Variants in PID1 observed in about 807,000 individuals in gnomAD.
PID1 encodes PTB-containing, cubilin and LRP1-interacting protein.
PID1 carries 10 observed loss-of-function variants against 19.1 expected under a neutral mutation model. The ratio of observed to expected loss-of-function variants is 0.52; its 90% CI spans 0.32 to 0.89. PID1 has a LOEUF of 0.89. Among genes scored for constraint, PID1 ranks in the 40% least tolerant of loss-of-function variants. The pLI is 0.03. For missense variants in PID1, 248 were observed against 285.3 expected, an observed-to-expected ratio of 0.87 and a Z score of 0.94; for synonymous variants, 130 against 116.0, an observed-to-expected ratio of 1.12 and a Z score of -0.78.
intron 2 of PID1, 150 bp downstream of exon 2, chr2:229,155,666 TTC>T (rs1574674721): frequency 1.5e-6 from 1 of 659,598 alleles, no homozygotes; most frequent in East Asian, 2.9e-5. Flanking sequence ...AGGATATGAA[TTC>T]AGTCTACCAT....
At chr2:229,048,218 G>A (rs536454007) in intron 2 of PID1, among the ~76,000 whole-genome samples, 2 of 152,244 alleles carry the variant, frequency 1.3e-5, no homozygotes, top group Admixed American at 6.5e-5. Context: ...TTAAGTCACA[G>A]ATGTTCTCCT....
intron 2 of PID1, among the ~76,000 whole-genome samples, chr2:229,058,727 G>GA (rs5839294): frequency 0.019 from 2,605 of 134,696 alleles, 78 homozygotes; most frequent in African/African-American, 0.043. Context: ...GTAATAATTT[G>GA]AAAAAAAAAA....
intron 2 of PID1, among the ~76,000 whole-genome samples, chr2:229,062,288 A>T (rs1694228287): frequency 6.6e-6 from 1 of 151,952 alleles, no homozygotes; most frequent in Non-Finnish European, 1.5e-5. Context: ...CTGAGTTTGT[A>T]TCATAAAAAG....
At chr2:229,170,082 C>T (rs1363971933) in intron 1 of PID1, among the ~76,000 whole-genome samples, 4 of 152,268 alleles carry the variant, frequency 2.6e-5, no homozygotes, top group Admixed American at 1.3e-4. Context: ...AACTATGAAA[C>T]GGAAACCTTT....
intron 2 of PID1, among the ~76,000 whole-genome samples, chr2:229,044,893 G>A (rs567962121): frequency 9.2e-5 from 14 of 152,088 alleles, no homozygotes; most frequent in East Asian, 7.7e-4. Flanking sequence ...TCTCCTTAAC[G>A]TCCAACATTT....
At chr2:229,201,317 G>A (rs779631178) in intron 1 of PID1, among the ~76,000 whole-genome samples, 3 of 152,016 alleles carry the variant, frequency 2.0e-5, no homozygotes, top group African/African-American at 4.8e-5. Context: ...CCATCATTCC[G>A]CTTTCTATCT....
chr2:229,232,168 A>C (rs1353230129), intron 1 of PID1: 1 of 1,421,308 alleles, frequency 7.0e-7, no homozygotes, highest in Non-Finnish European at 9.2e-7. Flanking sequence ...TCACGCCTGT[A>C]ATCCCAGCAC....
chr2:229,212,112 G>A (rs1223032384), intron 1 of PID1, among the ~76,000 whole-genome samples: 1 of 152,098 alleles, frequency 6.6e-6, no homozygotes, highest in Admixed American at 6.5e-5. Flanking sequence ...TCTTTATTAT[G>A]GTCTCTTTTT....
intron 2 of PID1, among the ~76,000 whole-genome samples, chr2:229,139,475 T>G (rs1318530604): frequency 6.6e-6 from 1 of 152,196 alleles, no homozygotes; most frequent in African/African-American, 2.4e-5. Context: ...TCTTAGCATC[T>G]TTATCCTCTA....
intron 1 of PID1, among the ~76,000 whole-genome samples, chr2:229,231,068 C>T (rs1338868974): frequency 1.3e-5 from 2 of 152,116 alleles, no homozygotes; most frequent in Non-Finnish European, 1.5e-5. Flanking sequence ...GCTAAGTTCT[C>T]GCCCCAGCCA....
chr2:229,120,393 A>C (rs1695492592), intron 2 of PID1, among the ~76,000 whole-genome samples: 1 of 152,108 alleles, frequency 6.6e-6, no homozygotes, highest in Admixed American at 6.5e-5. Context: ...AAGGAAGAGA[A>C]AATACATTTA....
chr2:229,043,355 C>G (rs1168649284), intron 2 of PID1, among the ~76,000 whole-genome samples: 1 of 151,920 alleles, frequency 6.6e-6, no homozygotes, highest in Admixed American at 6.6e-5. Context: ...TTTAGAAATA[C>G]AGAAGAAAGT....
At chr2:229,232,135 C>T in intron 1 of PID1, 1 of 1,452,268 alleles carries the variant, frequency 6.9e-7, no homozygotes, top group Non-Finnish European at 9.1e-7. Flanking sequence ...TCTTAAAGGT[C>T]CCTCTTGGCC....
At chr2:229,063,012 CT>C (rs1452576200) in intron 2 of PID1, among the ~76,000 whole-genome samples, 1 of 151,888 alleles carries the variant, frequency 6.6e-6, no homozygotes, top group Non-Finnish European at 1.5e-5. Flanking sequence ...AGTATTCTCT[CT>C]TTTTTCTTAG....
intron 2 of PID1, among the ~76,000 whole-genome samples, chr2:229,153,733 T>C (rs906092191): frequency 6.6e-6 from 1 of 152,212 alleles, no homozygotes; most frequent in African/African-American, 2.4e-5. Context: ...TTTCTCTCTC[T>C]TACAAACACA....
chr2:229,038,801 A>G (rs1693712441), intron 2 of PID1, among the ~76,000 whole-genome samples: 1 of 152,224 alleles, frequency 6.6e-6, no homozygotes, highest in Non-Finnish European at 1.5e-5. Flanking sequence ...GTAACCCTAG[A>G]GAAAGAAAGA....
chr2:229,185,287 C>G (rs1159748867), intron 1 of PID1, among the ~76,000 whole-genome samples: 1 of 151,840 alleles, frequency 6.6e-6, no homozygotes. Flanking sequence ...CATCTGTCCG[C>G]CAAGACTCCA....
chr2:229,143,976 C>A (rs1690073022), intron 2 of PID1, among the ~76,000 whole-genome samples: 1 of 152,046 alleles, frequency 6.6e-6, no homozygotes, highest in Non-Finnish European at 1.5e-5. Context: ...GGGAAAGTCA[C>A]ATACAAAAGA....
chr2:229,180,101 C>T (rs1046838291), intron 1 of PID1, among the ~76,000 whole-genome samples: 7 of 152,138 alleles, frequency 4.6e-5, no homozygotes, highest in Admixed American at 3.9e-4. Context: ...TCTGAAGTCT[C>T]CTTCATCTTT....
Sources: gnomAD v4.1 joint callset for allele counts (sites outside exome capture counted in the v4.1 genomes callset) on GRCh38, gnomAD v4.1.1 for gene constraint, MANE v1.5 for transcripts, NCBI Gene and HGNC (gene_info 2026-07-23, HGNC 2026-07-21) for gene names.